Variants in SGCD observed in about 807,000 individuals in gnomAD.
SGCD encodes delta-sarcoglycan.
Under a neutral mutation model 36.6 loss-of-function variants are expected in SGCD, and 18 were observed. That is an observed-to-expected ratio of 0.49 (90% confidence interval 0.34 to 0.73). The LOEUF is 0.73. SGCD is among the 30% of genes least tolerant of loss of function. The probability of loss-of-function intolerance (pLI) is 0.01; values close to 1 mark genes in which losing one functional copy is unlikely to be tolerated. For synonymous variants in SGCD, 133 were observed against 130.6 expected (o/e 1.02, Z -0.12); for missense variants, 387 against 346.7 (o/e 1.12, Z -0.92).
intron 5 of SGCD, among the ~76,000 whole-genome samples, chr5:156,592,446 A>G (rs1221519356): frequency 1.3e-5 from 2 of 152,080 alleles, no homozygotes; most frequent in African/African-American, 4.8e-5. Context: ...TTGCAGAAAA[A>G]CTGAAGCCAA....
chr5:156,485,410 C>A (rs1227608106), intron 3 of SGCD, among the ~76,000 whole-genome samples: 1 of 152,168 alleles, frequency 6.6e-6, no homozygotes, highest in Admixed American at 6.5e-5. Flanking sequence ...CACCTGTAAT[C>A]CTAGCACTTT....
chr5:156,180,139 A>G (rs911585163), intron 3 of SGCD, among the ~76,000 whole-genome samples: 2 of 152,264 alleles, frequency 1.3e-5, no homozygotes, highest in Admixed American at 6.5e-5. Flanking sequence ...CTCTATGAAT[A>G]TATTCTGAGC....
intron 1 of SGCD, among the ~76,000 whole-genome samples, chr5:156,113,890 A>G (rs1761849619): frequency 6.6e-6 from 1 of 152,190 alleles, no homozygotes; most frequent in Non-Finnish European, 1.5e-5. Context: ...GTGTATTACT[A>G]TGTGAAGAAA....
At chr5:155,791,832 C>T in the SGCD span, among the ~76,000 whole-genome samples, 1 of 152,108 alleles carries the variant, frequency 6.6e-6, no homozygotes, top group Non-Finnish European at 1.5e-5. Context: ...GGCCATACTG[C>T]CCATAGCATT....
At chr5:156,098,610 T>C (rs1414684680) in intron 1 of SGCD, among the ~76,000 whole-genome samples, 1 of 149,052 alleles carries the variant, frequency 6.7e-6, no homozygotes, top group Non-Finnish European at 1.5e-5. Flanking sequence ...TATATATATA[T>C]ATATATATTT....
intron 3 of SGCD, among the ~76,000 whole-genome samples, chr5:156,393,091 T>G (rs1394679061): frequency 2.6e-5 from 4 of 152,198 alleles, no homozygotes; most frequent in Non-Finnish European, 5.9e-5. Flanking sequence ...AGCACTTCCC[T>G]GCCCCGCTTC....
chr5:155,840,033 G>T, the SGCD span, among the ~76,000 whole-genome samples: 2 of 151,026 alleles, frequency 1.3e-5, no homozygotes, highest in African/African-American at 4.9e-5. Flanking sequence ...TGCCTGAATT[G>T]CAATTATTGG....
chr5:155,845,829 C>G, the SGCD span, among the ~76,000 whole-genome samples: 2 of 152,178 alleles, frequency 1.3e-5, no homozygotes, highest in African/African-American at 4.8e-5. Context: ...CTAGACCTCA[C>G]AGAGGACCAG....
At chr5:156,323,564 G>GA (rs34400642), upstream of SGCD, among the ~76,000 whole-genome samples, 43,328 of 152,028 alleles carry the variant, frequency 0.28, 6,261 homozygotes, top group Middle Eastern at 0.42. Context: ...GGCAGAAAAT[G>GA]AAGTAGACAA....
chr5:156,631,043 G>A (rs1762612727), intron 6 of SGCD, among the ~76,000 whole-genome samples: 1 of 152,182 alleles, frequency 6.6e-6, no homozygotes, highest in Non-Finnish European at 1.5e-5. Context: ...TATGGTCATA[G>A]ATATTCTGAG....
chr5:156,741,237 C>T (rs569728723), intron 7 of SGCD, among the ~76,000 whole-genome samples: 4 of 152,106 alleles, frequency 2.6e-5, no homozygotes, highest in Admixed American at 6.6e-5. Context: ...GAAATGAAAA[C>T]GAGAAATCTG....
intron 1 of SGCD, among the ~76,000 whole-genome samples, chr5:155,985,367 C>T (rs1444922436): frequency 6.6e-6 from 1 of 152,144 alleles, no homozygotes; most frequent in South Asian, 2.1e-4. Context: ...AACTCACATT[C>T]CTCAGCTGTG....
chr5:156,482,826 T>G (rs901361350), intron 3 of SGCD, among the ~76,000 whole-genome samples: 5 of 145,428 alleles, frequency 3.4e-5, no homozygotes, highest in African/African-American at 1.3e-4. Flanking sequence ...TTTTTTTTTT[T>G]TTTTTTTTTT....
chr5:156,653,506 T>TTTTTTTTTTTTTTTTTTTTTTTC (rs1763552857), intron 7 of SGCD, among the ~76,000 whole-genome samples: 2 of 143,410 alleles, frequency 1.4e-5, no homozygotes, highest in South Asian at 2.3e-4. Context: ...TTTTTTTTTT[T>TTTTTTTTTTTTTTTTTTTTTTTC]TTGCCCCTGT....
intron 3 of SGCD, among the ~76,000 whole-genome samples, chr5:156,181,187 T>G (rs1232869523): frequency 2.6e-5 from 4 of 152,120 alleles, no homozygotes; most frequent in Admixed American, 2.6e-4. Context: ...AAGCACCATA[T>G]TTTGGAGAAT....
chr5:156,503,375 T>A (rs770606963), intron 3 of SGCD, among the ~76,000 whole-genome samples: 128 of 152,162 alleles, frequency 8.4e-4, no homozygotes, highest in Non-Finnish European at 1.4e-3. Context: ...GTAGTTAGGA[T>A]CCCTTCGACT....
chr5:156,391,046 C>G (rs919521910), intron 3 of SGCD, among the ~76,000 whole-genome samples: 21 of 152,316 alleles, frequency 1.4e-4, no homozygotes, highest in African/African-American at 5.1e-4. Flanking sequence ...CACTCACTCG[C>G]TGACTTACCC....
intron 1 of SGCD, among the ~76,000 whole-genome samples, chr5:155,923,500 G>T (rs1057388792): frequency 6.6e-6 from 1 of 152,162 alleles, no homozygotes; most frequent in Admixed American, 6.6e-5. Flanking sequence ...AACGTTCATA[G>T]TTATTTGTTT....
chr5:155,820,133 G>C, the SGCD span, among the ~76,000 whole-genome samples: 1 of 152,166 alleles, frequency 6.6e-6, no homozygotes, highest in African/African-American at 2.4e-5. Context: ...CATGTTGAGG[G>C]ACTAGGACTC....
Sources: gnomAD v4.1 joint callset for allele counts (sites outside exome capture counted in the v4.1 genomes callset) on GRCh38, gnomAD v4.1.1 for gene constraint, MANE v1.5 for transcripts, NCBI Gene and HGNC (gene_info 2026-07-23, HGNC 2026-07-21) for gene names.